Variants in SLCO3A1 observed in about 807,000 individuals in gnomAD.
The protein encoded by SLCO3A1 is solute carrier organic anion transporter family member 3A1, also known as PGE1 transporter.
SLCO3A1 carries 27 observed loss-of-function variants against 63.1 expected under a neutral mutation model. The observed-to-expected ratio is 0.43, with a 90% confidence interval of 0.32 to 0.59. The LOEUF (loss-of-function observed/expected upper bound fraction) is 0.59, where lower values mean the gene tolerates loss of function less well. SLCO3A1 is among the 20% of genes least tolerant of loss of function. The pLI, the probability that SLCO3A1 is intolerant of heterozygous loss-of-function variation, is 0.09. For synonymous variants in SLCO3A1, 473 were observed against 409.9 expected (o/e 1.15, Z -1.86); for missense variants, 773 against 945.8 (o/e 0.82, Z 2.40).
intron 1 of SLCO3A1, among the ~76,000 whole-genome samples, chr15:91,866,657 C>A (rs1401542156): frequency 6.6e-6 from 1 of 151,438 alleles, no homozygotes; most frequent in South Asian, 2.1e-4. Flanking sequence ...TTAAGTGCTG[C>A]GAGCAATATA....
chr15:92,152,372 G>A (rs759875081), intron 9 of SLCO3A1, among the ~76,000 whole-genome samples: 2 of 152,186 alleles, frequency 1.3e-5, no homozygotes, highest in Non-Finnish European at 2.9e-5. Context: ...GAAGACCTCA[G>A]AATGCTCTCA....
intron 2 of SLCO3A1, among the ~76,000 whole-genome samples, chr15:92,094,625 G>T (rs2047515672): frequency 6.6e-6 from 1 of 152,212 alleles, no homozygotes; most frequent in African/African-American, 2.4e-5. Flanking sequence ...TTGATGTGGG[G>T]TGAAGTCCTC....
At position 92,164,706 on chromosome 15, in the gene SLCO3A1, C is replaced by G. The variant is rs2048478621; in HGVS notation, c.*1571C>G. 1 of 985,292 alleles carries G rather than the reference C, an allele frequency of 1.0e-6. No homozygotes were observed. Among genetic ancestry groups the G allele is most frequent in the Non-Finnish European group, 1.2e-6 (1 of 829,930 alleles). 61.0% of individuals were successfully genotyped at this position (985,292 alleles called of 1,614,324 possible). On this transcript the variant is annotated 3_prime_UTR_variant, in exon 10 of 10. Coordinates refer to ENST00000318445, the MANE Select transcript of SLCO3A1 (RefSeq NM_013272.4). ...TGACATTTTCAGTGTTAGTCTTGAACTAAGGCCCTTGTCTGTGTGTTTTGA... is the reference window on the plus strand; with the variant it reads ...TGACATTTTCAGTGTTAGTCTTGAAGTAAGGCCCTTGTCTGTGTGTTTTGA...
chr15:92,120,428 C>T (rs773360745), intron 4 of SLCO3A1, 37 bp from the exon 5 acceptor site: 30 of 1,605,766 alleles, frequency 1.9e-5, no homozygotes, highest in Non-Finnish European at 2.4e-5. Context: ...CAGGGTGTGA[C>T]CTTGACCCTG....
chr15:91,991,247 G>C (rs76639047), intron 2 of SLCO3A1, among the ~76,000 whole-genome samples: 81 of 152,044 alleles, frequency 5.3e-4, no homozygotes, highest in Non-Finnish European at 6.6e-4. Flanking sequence ...TGCACCTATG[G>C]TCCTAGCTAC....
chr15:91,919,304 G>A (rs1379456270), intron 2 of SLCO3A1, among the ~76,000 whole-genome samples: 1 of 152,222 alleles, frequency 6.6e-6, no homozygotes, highest in East Asian at 1.9e-4. Flanking sequence ...TCCTGGATGG[G>A]CTATTCACAA....
intron 1 of SLCO3A1, among the ~76,000 whole-genome samples, chr15:91,869,397 A>G (rs188312673): frequency 6.2e-4 from 94 of 152,160 alleles, no homozygotes; most frequent in African/African-American, 2.2e-3. Context: ...TTAGCCAGGC[A>G]TGGTGGCACA....
intron 2 of SLCO3A1, among the ~76,000 whole-genome samples, chr15:91,990,308 C>G (rs28759197): frequency 0.056 from 8,518 of 152,218 alleles, 805 homozygotes; most frequent in African/African-American, 0.19. Flanking sequence ...AAGCAATGCT[C>G]TTATGACAAG....
At chr15:92,026,370 TAAG>T (rs2046573934) in intron 2 of SLCO3A1, among the ~76,000 whole-genome samples, 1 of 152,184 alleles carries the variant, frequency 6.6e-6, no homozygotes, top group Non-Finnish European at 1.5e-5. Flanking sequence ...AGTTTCTCAC[TAAG>T]GAGACAGAAG....
chr15:91,964,816 A>T (rs1162590844), intron 2 of SLCO3A1, among the ~76,000 whole-genome samples: 1 of 152,070 alleles, frequency 6.6e-6, no homozygotes, highest in East Asian at 1.9e-4. Context: ...TTTGCGATGA[A>T]GAAGTGGCAG....
rs751229480 is a variant in SLCO3A1 at position 92,164,859 on chromosome 15, G to C, written c.*1724G>C. The C allele has an allele frequency of 3.0e-6, 3 of 985,330 alleles. No homozygotes were observed. The highest frequency in any genetic ancestry group is 2.4e-6 in the Non-Finnish European group (2 of 829,920). The allele number at this position is 985,330 out of a possible 1,614,324, so 61.0% of individuals were successfully genotyped here. On this transcript the variant is annotated 3_prime_UTR_variant, in exon 10 of 10. Transcript: ENST00000318445. ...GTAAGGGGACAGAGCTTAGGTAAAG[G>C]CACACACTCATACACACACAACAAA...
At chr15:92,056,629 C>A (rs1429995322) in intron 2 of SLCO3A1, among the ~76,000 whole-genome samples, 1 of 152,184 alleles carries the variant, frequency 6.6e-6, no homozygotes, top group Non-Finnish European at 1.5e-5. Context: ...GCCATGTTCC[C>A]TATAATTTCC....
chr15:92,156,284 CCTACACTTTT>C (rs1426518684), intron 9 of SLCO3A1, among the ~76,000 whole-genome samples: 2 of 152,182 alleles, frequency 1.3e-5, no homozygotes, highest in African/African-American at 4.8e-5. Flanking sequence ...CTTCCACTTG[CCTACACTTTT>C]AATTGTTCAT....
chr15:92,014,802 A>G (rs960804518), intron 2 of SLCO3A1, among the ~76,000 whole-genome samples: 7 of 152,100 alleles, frequency 4.6e-5, no homozygotes, highest in African/African-American at 1.7e-4. Flanking sequence ...TCAGGTCCCA[A>G]GCATTCTGGG....
In SLCO3A1 at chr15:92,151,110, T is replaced by C. The variant is rs1237264108; in HGVS notation, c.1753+96T>C. Reference sequence around the variant, plus strand: ...AATTATCCCATTTCCTAGGTCTGTCTCTTTTTTCTTTGCAGTTTAATTATT... The same window carrying C: ...AATTATCCCATTTCCTAGGTCTGTCCCTTTTTTCTTTGCAGTTTAATTATT... On this transcript the variant is annotated intron_variant, in intron 9 of 9. Coordinates refer to ENST00000318445, the MANE Select transcript of SLCO3A1 (RefSeq NM_013272.4). The C allele has an allele frequency of 1.1e-5, 10 of 885,832 alleles. No homozygotes were observed. In the African/African-American group the frequency reaches 1.4e-4, roughly 12 times the overall value. 54.9% of individuals were successfully genotyped at this position (885,832 alleles called of 1,614,324 possible). A position where few individuals can be genotyped will look rare whatever the true frequency, so the allele number is the denominator to read the frequency against.
At position 92,161,404 on chromosome 15, in the gene SLCO3A1, G is replaced by A. The variant is rs752737420; in HGVS notation, c.1754-1352G>A. Among the ~76,000 whole-genome samples the A allele has an allele frequency of 5.9e-5, 9 of 152,114 alleles. No homozygotes were observed. In the East Asian group the frequency reaches 9.6e-4, roughly 16 times the overall value. ...CATGGGCAGCCAGGTCTGATAACTC[G>A]GATAACAGCAGGCAAAGAAACACAG... On this transcript the variant is annotated intron_variant, in intron 9 of 9. Transcript: ENST00000318445.
intron 1 of SLCO3A1, among the ~76,000 whole-genome samples, chr15:91,868,125 C>T (rs568241671): frequency 4.2e-4 from 63 of 151,402 alleles, no homozygotes; most frequent in Admixed American, 3.0e-3. Flanking sequence ...GATCTCGGCT[C>T]GCTGCAACCT....
At chr15:91,956,787 T>TA (rs1315289586) in intron 2 of SLCO3A1, among the ~76,000 whole-genome samples, 2 of 146,020 alleles carry the variant, frequency 1.4e-5, no homozygotes, top group African/African-American at 5.1e-5. Flanking sequence ...GCCTTCTTTT[T>TA]TTTTTTTTTT....
At chr15:92,136,771 T>C (rs905276797) in intron 7 of SLCO3A1, among the ~76,000 whole-genome samples, 1 of 152,196 alleles carries the variant, frequency 6.6e-6, no homozygotes, top group Non-Finnish European at 1.5e-5. Flanking sequence ...AAATAGATGA[T>C]TGCTGTCCTT....
Sources: gnomAD v4.1 joint callset for allele counts (sites outside exome capture counted in the v4.1 genomes callset) on GRCh38, gnomAD v4.1.1 for gene constraint, MANE v1.5 for transcripts, NCBI Gene and HGNC (gene_info 2026-07-23, HGNC 2026-07-21) for gene names.